NRK: variants seen among roughly 807,000 people sequenced by gnomAD.
The protein encoded by NRK is Nik related kinase.
NRK carries 67 observed loss-of-function variants against 125.2 expected under a neutral mutation model. The observed-to-expected ratio is 0.54, with a 90% CI of 0.44 to 0.66. The LOEUF is 0.66. Ranked by LOEUF, NRK falls within the 30% of genes least tolerant of loss-of-function variation. The probability of loss-of-function intolerance (pLI) is 0.00; values close to 1 mark genes in which losing one functional copy is unlikely to be tolerated. For missense variants in NRK, 1,224 were observed against 1,192.9 expected (o/e 1.03, Z -0.38); for synonymous variants, 458 against 429.0 (o/e 1.07, Z -0.84).
chrX:105,869,335 T>C (rs1348170224), intron 2 of NRK, among the ~76,000 whole-genome samples: 2 of 111,895 alleles, frequency 1.8e-5, no homozygotes, highest in Middle Eastern at 4.2e-3. Context: ...CTCATGTCTA[T>C]GTTTAAAAGC....
intron 2 of NRK, among the ~76,000 whole-genome samples, chrX:105,837,398 A>T (rs771767627): frequency 1.8e-5 from 2 of 111,492 alleles, no homozygotes; most frequent in African/African-American, 6.5e-5. Flanking sequence ...AGTGCTGCCA[A>T]CCACATCCCC....
chrX:105,882,949 T>G (rs915741358), intron 4 of NRK, among the ~76,000 whole-genome samples: 2 of 112,361 alleles, frequency 1.8e-5, no homozygotes, highest in Non-Finnish European at 3.8e-5. Context: ...TGGCACACTT[T>G]CCTTAGAGAA....
At chrX:105,835,709 C>T (rs1356135662) in intron 2 of NRK, among the ~76,000 whole-genome samples, 1 of 109,292 alleles carries the variant, frequency 9.1e-6, no homozygotes, top group African/African-American at 3.3e-5. Context: ...CTGCCTTTCC[C>T]CTAGGGCTTA....
Position 105,955,533 on chromosome X carries a change from A to G in NRK, c.4682A>G (p.His1561Arg). ...KLFFTSTLRNHHSRVYFMTLG... is the reference protein window; with the variant it reads ...KLFFTSTLRNRHSRVYFMTLG... ...TTCTTTACCTCTACCCTGCGCAATCACCACAGCCGGGTTTACTTCATGACA... is the reference window on the plus strand; with the variant it reads ...TTCTTTACCTCTACCCTGCGCAATCGCCACAGCCGGGTTTACTTCATGACA... Residue 1561 changes from histidine (H) to arginine (R), a missense_variant, in exon 29 of 29, where the codon CAC becomes CGC. By Grantham distance (29) the His-to-Arg change is conservative. Coordinates refer to ENST00000243300, the MANE Select transcript of NRK (RefSeq NM_198465.4). 8.4e-7 allele frequency: 1 copy of G among 1,193,183 alleles called. No homozygotes were observed. The highest frequency in any genetic ancestry group is 1.1e-6 in the Non-Finnish European group (1 of 883,256).
rs768748048 is a variant in NRK, at chrX:105,909,712, C to A, written c.2071C>A (p.Leu691Met). 8.4e-7 allele frequency: 1 copy of A among 1,183,837 alleles called. No homozygotes were observed. The highest frequency in any genetic ancestry group is 1.9e-5 in the South Asian group (1 of 53,722). Residue 691 changes from leucine (L) to methionine (M), a missense_variant, in exon 13 of 29, where the codon CTG becomes ATG. Transcript: ENST00000243300. ...GGAGAAAAAATCAAAAGTTTCTACTCTGAGGCAAGCACTGGCAAAAAGACT... is the reference window on the plus strand; with the variant it reads ...GGAGAAAAAATCAAAAGTTTCTACTATGAGGCAAGCACTGGCAAAAAGACT... Reference protein sequence around the residue: ...AREKKSKVSTLRQALAKRLSP... With the variant: ...AREKKSKVSTMRQALAKRLSP...
At chrX:105,948,777 C>CTTTT in intron 26 of NRK, 3 of 394,371 alleles carry the variant, frequency 7.6e-6, no homozygotes, top group South Asian at 4.3e-5. Flanking sequence ...TAGTTTCTGA[C>CTTTT]TTTTTTTTTT....
At chrX:105,886,211 A>G (rs969096108) in intron 4 of NRK, among the ~76,000 whole-genome samples, 2 of 109,585 alleles carry the variant, frequency 1.8e-5, no homozygotes, top group East Asian at 2.8e-4. Flanking sequence ...TTTCTGTGCA[A>G]TCTTGTGCAG....
At chrX:105,953,546 T>G (rs1197016705) in intron 28 of NRK, among the ~76,000 whole-genome samples, 6 of 111,945 alleles carry the variant, frequency 5.4e-5, no homozygotes, top group Non-Finnish European at 9.4e-5. Context: ...CTGCCTTTTA[T>G]AGCTTTCAAC....
Position 105,900,641 on chromosome X carries a change from T to A in NRK, c.735T>A (p.Ile245=). Residue 245 remains isoleucine, a synonymous_variant, in exon 9 of 29, where the codon ATT becomes ATA. Transcript: ENST00000243300. ...AGAGTGATGTGTGGTCTGTGGGAAT[T>A]ACTGCCATTGAAATGGCTGAAGGAG... The part of the protein sequence containing the change: ...DYRSDVWSVG[I]TAIEMAEGAP... The A allele has an allele frequency of 8.4e-7, 1 of 1,188,929 alleles. No homozygotes were observed. The highest frequency in any genetic ancestry group is 1.8e-5 in the South Asian group (1 of 55,450).
At chrX:105,946,559 A>G (rs1361761394) in intron 26 of NRK, 95 bp downstream of exon 26, 3 of 648,705 alleles carry the variant, frequency 4.6e-6, no homozygotes, top group Non-Finnish European at 7.2e-6. Context: ...AAATATGATT[A>G]GTAATGTCTA....
chrX:105,955,943 C>G lies in NRK; in HGVS notation c.*343C>G, dbSNP rs2040971468. The G allele has an allele frequency of 7.9e-6, 1 of 125,930 alleles. No homozygotes were observed. The highest frequency in any genetic ancestry group is 1.6e-5 in the Non-Finnish European group (1 of 62,522). The allele number at this position is 125,930 out of a possible 1,213,427, so 10.4% of individuals were successfully genotyped here. ...AAGAAACCTGTTATGAATTAGATTA[C>G]AAGCAGCCTTCAAAAGAATTGGCAC... On this transcript the variant is annotated 3_prime_UTR_variant, in exon 29 of 29. Transcript: ENST00000243300.
intron 17 of NRK, among the ~76,000 whole-genome samples, chrX:105,922,691 A>G (rs1340590582): frequency 8.9e-6 from 1 of 111,854 alleles, no homozygotes; most frequent in Non-Finnish European, 1.9e-5. Context: ...TGTTTGAGAT[A>G]CTTTAAGACA....
At chrX:105,826,953 C>T (rs2039122445) in intron 1 of NRK, among the ~76,000 whole-genome samples, 1 of 111,492 alleles carries the variant, frequency 9.0e-6, no homozygotes, top group South Asian at 3.8e-4. Context: ...ACAAGAACAG[C>T]GCACAAAAAT....
chrX:105,891,123 G>A lies in NRK; in HGVS notation c.378+2704G>A, dbSNP rs761259055. Among the ~76,000 whole-genome samples the A allele has an allele frequency of 2.1e-4, 23 of 111,674 alleles. No homozygotes were observed. In the South Asian group the frequency reaches 3.0e-3, roughly 14 times the overall value. ...TTTTAAGTTTTTGCAAAGTATATGC[G>A]CTTATGGATAAACATAACTCCTAAG... On this transcript the variant is annotated intron_variant, in intron 5 of 28. Transcript: ENST00000243300.
intron 5 of NRK, among the ~76,000 whole-genome samples, chrX:105,889,766 A>C (rs1034103251): frequency 8.9e-6 from 1 of 112,404 alleles, no homozygotes; most frequent in Non-Finnish European, 1.9e-5. Context: ...TTTTAGCCAC[A>C]GCTGGAGTGG....
chrX:105,857,488 A>C (rs913745524), intron 2 of NRK, among the ~76,000 whole-genome samples: 1 of 112,208 alleles, frequency 8.9e-6, no homozygotes, highest in Non-Finnish European at 1.9e-5. Context: ...ATTCAGTTGA[A>C]TAATAAAGAT....
chrX:105,904,467 T>A (rs192909161), intron 9 of NRK, among the ~76,000 whole-genome samples: 7 of 112,165 alleles, frequency 6.2e-5, no homozygotes. Flanking sequence ...TATCAATAGC[T>A]GATATTTATT....
intron 2 of NRK, among the ~76,000 whole-genome samples, chrX:105,853,515 G>A (rs379055): frequency 0.2 from 22,339 of 110,880 alleles, 1,651 homozygotes; most frequent in Middle Eastern, 0.31. Flanking sequence ...GTGTGCACAC[G>A]CGCAAGCACA....
Position 105,909,315 on chromosome X carries a change from G to A in NRK, c.1674G>A (p.Gln558=). 8.3e-7 allele frequency: 1 copy of A among 1,206,067 alleles called. No individual in the cohort carries two copies. The highest frequency in any genetic ancestry group is 1.1e-6 in the Non-Finnish European group (1 of 892,150). Residue 558 remains glutamine (Q), a synonymous_variant, in exon 13 of 29, where the codon CAG becomes CAA. Coordinates refer to ENST00000243300, the MANE Select transcript of NRK (RefSeq NM_198465.4). The part of the protein sequence containing the change: ...QELEQNQAPE[Q]PEVQEQAAEP... ...TGGAGCAGAACCAGGCACCTGAACA[G>A]CCAGAGGTACAGGAACAGGCTGCCG...
Sources: gnomAD v4.1 joint callset for allele counts (sites outside exome capture counted in the v4.1 genomes callset) on GRCh38, gnomAD v4.1.1 for gene constraint, MANE v1.5 for transcripts, NCBI Gene and HGNC (gene_info 2026-07-23, HGNC 2026-07-21) for gene names.